PRKN: variants seen among roughly 807,000 people sequenced by gnomAD.
PRKN encodes E3 ubiquitin-protein ligase parkin.
In PRKN, 56 loss-of-function variants were observed where a neutral mutation model predicts 59.5. The observed-to-expected ratio is 0.94, with a 90% CI of 0.76 to 1.18. PRKN has a LOEUF of 1.18. PRKN is among the 50% of genes most tolerant of loss of function. The pLI, the probability that PRKN is intolerant of heterozygous loss-of-function variation, is 0.00. For missense variants in PRKN, 657 were observed against 596.4 expected (o/e 1.10, Z -1.06); for synonymous variants, 250 against 222.1 (o/e 1.13, Z -1.12).
chr6:161,593,572 G>A lies in PRKN; in HGVS notation c.872-24156C>T, dbSNP rs1347593501. On this transcript the variant is annotated intron_variant, in intron 7 of 11. Transcript: ENST00000366898. The surrounding 1 kb of genome is among the most constrained non-coding windows in gnomAD (Gnocchi z 4.8). ...TGGGGGCTGGAAGGTGAGGCCAGCA[G>A]GTCTTGCTGGTGGGCTGCCCTGTGG... is the stretch of plus-strand genomic sequence containing the variant. 1.3e-5 allele frequency among the ~76,000 whole-genome samples: 2 copies of A among 152,130 alleles called. No homozygotes were observed. The highest frequency in any genetic ancestry group is 2.9e-5 in the Non-Finnish European group (2 of 68,012).
chr6:162,187,925 C>A (rs1241493045), intron 4 of PRKN, among the ~76,000 whole-genome samples: 1 of 152,134 alleles, frequency 6.6e-6, no homozygotes, highest in African/African-American at 2.4e-5. Flanking sequence ...CAAATCTCAT[C>A]TTAAATTGTA....
At chr6:161,978,567 C>A (rs1225330957) in intron 5 of PRKN, among the ~76,000 whole-genome samples, 1 of 152,212 alleles carries the variant, frequency 6.6e-6, no homozygotes, top group African/African-American at 2.4e-5. Context: ...GGATTAACTG[C>A]CTCTGAATTC....
chr6:162,411,694 T>C (rs1170357486), intron 2 of PRKN, among the ~76,000 whole-genome samples: 1 of 152,170 alleles, frequency 6.6e-6, no homozygotes, highest in Non-Finnish European at 1.5e-5. Context: ...ATAGTTATAA[T>C]TTTTAAAAAT....
intron 7 of PRKN, among the ~76,000 whole-genome samples, chr6:161,689,316 A>G (rs1583008971): frequency 1.3e-5 from 2 of 152,216 alleles, no homozygotes; most frequent in South Asian, 4.1e-4. Context: ...AGCTTCTGTC[A>G]TATTCCATAT....
At chr6:161,879,205 G>C (rs559549767) in intron 6 of PRKN, among the ~76,000 whole-genome samples, 16 of 152,246 alleles carry the variant, frequency 1.1e-4, no homozygotes, top group African/African-American at 3.9e-4. Flanking sequence ...CATTGCACCA[G>C]AGTCAAATAT....
intron 3 of PRKN, among the ~76,000 whole-genome samples, chr6:162,207,213 A>C (rs1029153302): frequency 2.0e-5 from 3 of 152,112 alleles, no homozygotes; most frequent in Non-Finnish European, 4.4e-5. Flanking sequence ...TCTATTAAAA[A>C]TACAAAAAAT....
rs1301238878 is a variant in PRKN, at chr6:161,442,901, G to A, written c.1084-56024C>T. ...ATAAACCCTCTCACTTACTGCCAAT[G>A]TGTCCACGCTGCTCCTCAGGCAAGC... On this transcript the variant is annotated intron_variant, in intron 9 of 11. Transcript: ENST00000366898. This position sits in a 1 kb window ranked among gnomAD's most constrained non-coding sequence, Gnocchi z 4.6. Among the ~76,000 whole-genome samples, 1 of 152,198 alleles carries A rather than the reference G, an allele frequency of 6.6e-6. No individual in the cohort carries two copies. Among genetic ancestry groups the A allele is most frequent in the Non-Finnish European group, 1.5e-5 (1 of 68,038 alleles).
intron 5 of PRKN, among the ~76,000 whole-genome samples, chr6:162,002,008 T>C (rs1583463997): frequency 6.6e-6 from 1 of 151,880 alleles, no homozygotes; most frequent in East Asian, 1.9e-4. Context: ...TGTAGATCTG[T>C]CATAGATCTC....
chr6:162,194,449 C>A (rs1480921315), intron 4 of PRKN, among the ~76,000 whole-genome samples: 2 of 152,094 alleles, frequency 1.3e-5, no homozygotes, highest in African/African-American at 4.8e-5. Flanking sequence ...GGGTTTGAAA[C>A]CCAGGCATGA....
chr6:162,556,198 G>A (rs1252175635), intron 1 of PRKN, among the ~76,000 whole-genome samples: 7 of 151,884 alleles, frequency 4.6e-5, no homozygotes, highest in Admixed American at 1.3e-4. Flanking sequence ...ATTATAACTC[G>A]GAAAAAATCT....
chr6:162,450,414 AC>A (rs1406060463), intron 1 of PRKN, among the ~76,000 whole-genome samples: 2 of 151,582 alleles, frequency 1.3e-5, no homozygotes, highest in African/African-American at 4.8e-5. Context: ...TATGATTGTA[AC>A]ACCCCTGTGA....
chr6:161,892,124 C>T (rs753865477), intron 6 of PRKN, among the ~76,000 whole-genome samples: 13 of 152,164 alleles, frequency 8.5e-5, no homozygotes, highest in Non-Finnish European at 1.6e-4. Flanking sequence ...TCCCTAAGTG[C>T]TTATATTTGA....
At chr6:162,473,514 CA>C (rs1356441077) in intron 1 of PRKN, among the ~76,000 whole-genome samples, 3 of 151,634 alleles carry the variant, frequency 2.0e-5, no homozygotes, top group Non-Finnish European at 2.9e-5. Context: ...CGATGTGGGC[CA>C]CATATAAAAT....
intron 5 of PRKN, among the ~76,000 whole-genome samples, chr6:162,035,112 A>G (rs1489945269): frequency 6.6e-6 from 1 of 152,010 alleles, no homozygotes; most frequent in African/African-American, 2.4e-5. Context: ...ACATGGCAGG[A>G]AGAGAAAGAC....
intron 4 of PRKN, among the ~76,000 whole-genome samples, chr6:162,196,286 A>C (rs1218080971): frequency 6.6e-6 from 1 of 152,224 alleles, no homozygotes; most frequent in Non-Finnish European, 1.5e-5. Context: ...AAAATAATTA[A>C]AAATTAATAC....
In PRKN at chr6:161,401,181, G is replaced by T. The variant is rs1787034786; in HGVS notation, c.1084-14304C>A. ...CCTGTTTTTGCATGTAAAGTATCAG[G>T]CTGGAAGGCTTGGTCGGGCATGGTT... On this transcript the variant is annotated intron_variant, in intron 9 of 11. Coordinates refer to ENST00000366898, the MANE Select transcript of PRKN (RefSeq NM_004562.3). The surrounding 1 kb of genome is among the most constrained non-coding windows in gnomAD (Gnocchi z 4.4). Among the ~76,000 whole-genome samples, 1 of 152,150 alleles carries T rather than the reference G, an allele frequency of 6.6e-6. No individual in the cohort carries two copies. Among genetic ancestry groups the T allele is most frequent in the Non-Finnish European group, 1.5e-5 (1 of 68,030 alleles).
chr6:161,356,518 C>A lies in PRKN; in HGVS notation c.1285+3570G>T, dbSNP rs1388501824. 6.6e-6 allele frequency among the ~76,000 whole-genome samples: 1 copy of A among 152,106 alleles called. No homozygotes were observed. Among genetic ancestry groups the A allele is most frequent in the African/African-American group, 2.4e-5 (1 of 41,418 alleles). ...ATATGCGAGAGTGGAGGCGAGAGCC[C>A]TTTTGGGAAGCTGTGCTTGGAAGAG... On this transcript the variant is annotated intron_variant, in intron 11 of 11. Coordinates refer to ENST00000366898, the MANE Select transcript of PRKN (RefSeq NM_004562.3). The surrounding 1 kb of genome is among the most constrained non-coding windows in gnomAD (Gnocchi z 7.8).
chr6:162,663,629 T>A (rs1408409366), intron 1 of PRKN, among the ~76,000 whole-genome samples: 1 of 152,118 alleles, frequency 6.6e-6, no homozygotes, highest in East Asian at 1.9e-4. Flanking sequence ...AAAATAAGTG[T>A]GTACTTCCAG....
intron 1 of PRKN, chr6:162,624,701 T>G (rs1782814601): frequency 6.6e-6 from 1 of 150,626 alleles, no homozygotes; most frequent in African/African-American, 2.4e-5. Flanking sequence ...CACAAACATT[T>G]TTGTTTGTTC....
Sources: allele counts gnomAD v4.1 joint callset (sites outside exome capture counted in the v4.1 genomes callset), GRCh38; gene constraint gnomAD v4.1.1; non-coding constraint Gnocchi (gnomAD v3.1); transcripts MANE v1.5; gene names NCBI Gene and HGNC (gene_info 2026-07-23, HGNC 2026-07-21).